The following DAB1 variants were observed in gnomAD, a reference collection of about 807,000 sequenced individuals.
The protein encoded by DAB1 is DAB adaptor protein 1.
A neutral mutation model predicts 64.6 loss-of-function variants in DAB1; 15 were observed. The ratio of observed to expected loss-of-function variants is 0.23; its 90% CI spans 0.16 to 0.36. DAB1 has a LOEUF of 0.36. Among genes scored for constraint, DAB1 ranks in the 10% least tolerant of loss-of-function variants. DAB1 has a pLI of 1.00. For missense variants in DAB1, 596 were observed against 706.7 expected (o/e 0.84, Z 1.78); for synonymous variants, 235 against 251.9 (o/e 0.93, Z 0.64).
intron 1 of DAB1, among the ~76,000 whole-genome samples, chr1:57,341,577 T>A (rs1045498885): frequency 6.6e-6 from 1 of 152,214 alleles, no homozygotes; most frequent in Non-Finnish European, 1.5e-5. Context: ...GGAGTGTATG[T>A]GTGTGTATGA....
Position 58,095,884 on chromosome 1 carries a change from G to A in DAB1, n.387+54627C>T, listed in dbSNP as rs540560654. 2.0e-5 allele frequency among the ~76,000 whole-genome samples: 3 copies of A among 152,322 alleles called. No individual in the cohort carries two copies. In the South Asian group the frequency reaches 6.2e-4, roughly 32 times the overall value. On this transcript the variant is annotated intron_variant and non_coding_transcript_variant, in intron 5 of 20. Coordinates refer to the DAB1 transcript ENST00000485760. ...TAAGTCCCTGGTGGTCAGAAATTAT[G>A]TGGCCAGTGGAGGCCTGGGGATTGA...
chr1:57,026,156 G>A (rs1646780395), intron 9 of DAB1, 113 bp from the exon 10 acceptor site: 3 of 769,284 alleles, frequency 3.9e-6, no homozygotes, highest in African/African-American at 3.6e-5. Flanking sequence ...ATCATCTCTA[G>A]ATAAACCGTA....
intron 7 of DAB1, among the ~76,000 whole-genome samples, chr1:57,458,610 A>G (rs956134159): frequency 1.3e-5 from 2 of 152,238 alleles, no homozygotes; most frequent in East Asian, 3.9e-4. Context: ...TATCATAAGC[A>G]AATAATCCAA....
intron 3 of DAB1, among the ~76,000 whole-genome samples, chr1:58,454,451 G>A (rs1037989515): frequency 1.3e-5 from 2 of 152,110 alleles, no homozygotes; most frequent in Non-Finnish European, 2.9e-5. Flanking sequence ...TGCAGGAGTC[G>A]ACCCAAACTC....
intron 4 of DAB1, among the ~76,000 whole-genome samples, chr1:58,250,374 C>T (rs1349600674): frequency 1.3e-5 from 2 of 152,238 alleles, no homozygotes; most frequent in East Asian, 3.9e-4. Flanking sequence ...GCGGGAGACG[C>T]CGCGGAGCTG....
chr1:57,143,306 C>A (rs1163288731), intron 3 of DAB1, among the ~76,000 whole-genome samples: 2 of 152,264 alleles, frequency 1.3e-5, no homozygotes, highest in East Asian at 3.9e-4. Flanking sequence ...TCCTCCAGGC[C>A]AGCATTTATC....
At chr1:57,021,256 T>C (rs1646608546) in intron 11 of DAB1, among the ~76,000 whole-genome samples, 1 of 152,312 alleles carries the variant, frequency 6.6e-6, no homozygotes, top group African/African-American at 2.4e-5. Context: ...TGTCCATAGC[T>C]TCCAATGTGG....
At chr1:57,255,288 T>C (rs1358503520) in intron 2 of DAB1, among the ~76,000 whole-genome samples, 2 of 152,192 alleles carry the variant, frequency 1.3e-5, no homozygotes, top group Non-Finnish European at 2.9e-5. Flanking sequence ...CATTTTATCA[T>C]ATACTTTATC....
chr1:57,252,354 T>G (rs1262059043), intron 2 of DAB1, among the ~76,000 whole-genome samples: 1 of 152,214 alleles, frequency 6.6e-6, no homozygotes, highest in African/African-American at 2.4e-5. Flanking sequence ...GAAGTCTAGA[T>G]GAGGTCAGGG....
intron 1 of DAB1, among the ~76,000 whole-genome samples, chr1:57,352,301 T>G (rs961775260): frequency 3.9e-5 from 6 of 152,190 alleles, no homozygotes; most frequent in Admixed American, 3.3e-4. Context: ...TTTCTGATAA[T>G]GATTAAATTG....
At position 58,354,552 on chromosome 1, in the gene DAB1, A is replaced by T. The variant is rs143341751; in HGVS notation, n.258-11149T>A. Reference sequence around the variant, plus strand: ...CGAACAGTGAGTAGTTATAATAGATATGCAAATATTGGTCTTTTCTTAAAG... The same window carrying T: ...CGAACAGTGAGTAGTTATAATAGATTTGCAAATATTGGTCTTTTCTTAAAG... On this transcript the variant is annotated intron_variant and non_coding_transcript_variant, in intron 3 of 20. Coordinates refer to the DAB1 transcript ENST00000485760. Among the ~76,000 whole-genome samples the T allele has an allele frequency of 2.2e-3, 330 of 152,320 alleles. 2 individuals carry two copies. The highest frequency in any genetic ancestry group is 7.3e-3 in the African/African-American group (305 of 41,566).
intron 5 of DAB1, among the ~76,000 whole-genome samples, chr1:58,017,180 G>C (rs1029087012): frequency 1.3e-5 from 2 of 151,822 alleles, no homozygotes; most frequent in Non-Finnish European, 2.9e-5. Context: ...TTGTCACTTT[G>C]GGAATACTAG....
chr1:57,224,747 G>A (rs1667131197), intron 2 of DAB1, among the ~76,000 whole-genome samples: 1 of 152,206 alleles, frequency 6.6e-6, no homozygotes, highest in Non-Finnish European at 1.5e-5. Flanking sequence ...TTCCCCCATT[G>A]ATAGGAGTGT....
intron 4 of DAB1, among the ~76,000 whole-genome samples, chr1:58,338,691 A>G (rs1012966021): frequency 6.6e-6 from 1 of 152,190 alleles, no homozygotes; most frequent in Non-Finnish European, 1.5e-5. Flanking sequence ...TCTAGTGTGA[A>G]CAAACACTTG....
At chr1:57,599,717 C>A (rs1170388384) in intron 7 of DAB1, among the ~76,000 whole-genome samples, 1 of 152,176 alleles carries the variant, frequency 6.6e-6, no homozygotes, top group East Asian at 1.9e-4. Context: ...TCACTCATTC[C>A]CCAGTTTAAA....
At chr1:57,292,963 A>C (rs1388309121) in intron 1 of DAB1, among the ~76,000 whole-genome samples, 1 of 152,132 alleles carries the variant, frequency 6.6e-6, no homozygotes, top group African/African-American at 2.4e-5. Context: ...GAGATGTTGA[A>C]AAGCTATGTT....
At chr1:58,071,559 A>T (rs1649266720) in intron 5 of DAB1, 1 of 152,110 alleles carries the variant, frequency 6.6e-6, no homozygotes, top group Non-Finnish European at 1.5e-5. Flanking sequence ...GGTGATGCCA[A>T]CCAAACATGG....
At chr1:57,763,500 C>T (rs59272829) in intron 6 of DAB1, among the ~76,000 whole-genome samples, 1 of 151,758 alleles carries the variant, frequency 6.6e-6, no homozygotes, top group Admixed American at 6.6e-5. Flanking sequence ...AATAGTGAGA[C>T]CCTGTTTCTA....
intron 6 of DAB1, among the ~76,000 whole-genome samples, chr1:57,715,817 C>T (rs77767836): frequency 6.6e-6 from 1 of 152,208 alleles, no homozygotes; most frequent in Non-Finnish European, 1.5e-5. Context: ...AGGCCACGTT[C>T]ATGAATTGGG....
Sources: gnomAD v4.1 joint callset for allele counts (sites outside exome capture counted in the v4.1 genomes callset) on GRCh38, gnomAD v4.1.1 for gene constraint, MANE v1.5 for transcripts, NCBI Gene and HGNC (gene_info 2026-07-23, HGNC 2026-07-21) for gene names.